RAB44: variants seen among roughly 807,000 people sequenced by gnomAD.
RAB44 encodes ras-related protein Rab-44.
RAB44 carries 67 observed loss-of-function variants against 93.3 expected under a neutral mutation model. The ratio of observed to expected loss-of-function variants is 0.72; its 90% CI spans 0.59 to 0.88. RAB44 has a LOEUF of 0.88. Among genes scored for constraint, RAB44 ranks in the 40% least tolerant of loss-of-function variants. The probability of loss-of-function intolerance (pLI) is 0.00; values close to 1 mark genes in which losing one functional copy is unlikely to be tolerated. For missense variants in RAB44, 1,064 were observed against 1,261.7 expected, an observed-to-expected ratio of 0.84 and a Z score of 2.37; for synonymous variants, 427 against 520.3, an observed-to-expected ratio of 0.82 and a Z score of 2.44.
chr6:36,722,185 G>A lies in RAB44; in HGVS notation c.2051G>A (p.Arg684Lys), dbSNP rs563322617. 90 of 1,237,312 alleles carry A rather than the reference G, an allele frequency of 7.3e-5. 1 individual carries two copies. In the African/African-American group the frequency reaches 1.2e-3, roughly 16 times the overall value. The allele number at this position is 1,237,312 out of a possible 1,614,324, so 76.6% of individuals were successfully genotyped here. Residue 684 changes from arginine (R) to lysine (K), a missense_variant, in exon 9 of 14, where the codon AGA becomes AAA. By Grantham distance (26) the Arg-to-Lys change is conservative (BLOSUM62 2). Coordinates refer to ENST00000612677, the MANE Select transcript of RAB44 (RefSeq NM_001257357.2). ...TCTGAGGAAGGAAAACAAGAGGGCAGAGGTGGGCAGGACCTCAGTTCAGAG... is the reference window on the plus strand; with the variant it reads ...TCTGAGGAAGGAAAACAAGAGGGCAAAGGTGGGCAGGACCTCAGTTCAGAG... ...PRSEEGKQEG[R>K]GGQDLSSEQS... is the part of the protein sequence containing the mutation.
At position 36,715,513 on chromosome 6, in the gene RAB44, G is replaced by T; in HGVS notation, c.354G>T (p.Arg118Ser). 6.5e-7 allele frequency: 1 copy of T among 1,536,110 alleles called. No individual in the cohort carries two copies. Among genetic ancestry groups the T allele is most frequent in the East Asian group, 2.4e-5 (1 of 40,924 alleles). ...NIFGSSQSPH[R>S]LRRRKPLPSK... ...TTGGCTCCAGCCAGAGCCCCCACAGGCTCCGCAGAAGGAAGCCACTGCCCT... is the reference window on the plus strand; with the variant it reads ...TTGGCTCCAGCCAGAGCCCCCACAGTCTCCGCAGAAGGAAGCCACTGCCCT... The change falls in exon 4 of 14, where the codon AGG becomes AGT. Residue 118 changes from arginine (R) to serine (S), a missense_variant. Arg to Ser is a moderately radical substitution (Grantham distance 110, BLOSUM62 -1). Coordinates refer to ENST00000612677, the MANE Select transcript of RAB44 (RefSeq NM_001257357.2).
chr6:36,699,442 G>C (rs1762461036), intron 1 of RAB44, among the ~76,000 whole-genome samples: 2 of 152,176 alleles, frequency 1.3e-5, no homozygotes, highest in Admixed American at 1.3e-4. Flanking sequence ...GGAGGCTTCT[G>C]CACAGGGAAT....
chr6:36,718,077 G>A lies in RAB44; in HGVS notation c.691G>A (p.Glu231Lys), dbSNP rs1028846628. ...REVQQLYEEM[E>K]QQIRQEKQQL... ...GGTCCAGCAGCTCTATGAGGAGATG[G>A]AGCAGCAGATCCGCCAGGAGAAGCA... The change falls in exon 6 of 14, where the codon GAG becomes AAG. Residue 231 changes from glutamate (E) to lysine (K), a missense_variant. Transcript: ENST00000612677. The A allele has an allele frequency of 3.2e-6, 4 of 1,232,194 alleles. No homozygotes were observed. The highest frequency in any genetic ancestry group is 4.0e-6 in the Non-Finnish European group (4 of 988,134). 76.3% of individuals were successfully genotyped at this position (1,232,194 alleles called of 1,614,324 possible).
At chr6:36,701,580 G>C (rs1221992228) in intron 1 of RAB44, among the ~76,000 whole-genome samples, 1 of 152,162 alleles carries the variant, frequency 6.6e-6, no homozygotes, top group Non-Finnish European at 1.5e-5. Flanking sequence ...TCACTGCTAA[G>C]CTATGTCACC....
At chr6:36,708,271 G>A (rs1391125270) in intron 2 of RAB44, among the ~76,000 whole-genome samples, 2 of 151,296 alleles carry the variant, frequency 1.3e-5, no homozygotes, top group Non-Finnish European at 2.9e-5. Context: ...AAATCTCCAG[G>A]GCCTTCACAT....
chr6:36,701,320 G>C (rs1029240971), intron 1 of RAB44, among the ~76,000 whole-genome samples: 15 of 152,140 alleles, frequency 9.9e-5, no homozygotes, highest in African/African-American at 3.4e-4. Flanking sequence ...TGTTGCCCAG[G>C]CTGGTCTCAA....
At chr6:36,709,564 C>T (rs1762730642) in intron 2 of RAB44, among the ~76,000 whole-genome samples, 1 of 151,406 alleles carries the variant, frequency 6.6e-6, no homozygotes, top group South Asian at 2.1e-4. Flanking sequence ...GTTGTTGTTG[C>T]CGTTGTTTTG....
intron 7 of RAB44, among the ~76,000 whole-genome samples, chr6:36,720,042 G>A (rs1582633432): frequency 1.3e-5 from 2 of 152,222 alleles, no homozygotes; most frequent in South Asian, 2.1e-4. Flanking sequence ...AGGCTCAGGG[G>A]CCAGCAGCCA....
In RAB44 at chr6:36,730,763, GC is replaced by G; in HGVS notation, c.2975+20del. The G allele has an allele frequency of 9.1e-7, 1 of 1,100,658 alleles. No homozygotes were observed. The allele number at this position is 1,100,658 out of a possible 1,614,324, so 68.2% of individuals were successfully genotyped here. Reference sequence around the variant, plus strand: ...AAACCTGGCCAGGTAAGTGCTGCCCGCCCCCCGCCGCCCCCACCCCCCCCCT... The same window carrying G: ...AAACCTGGCCAGGTAAGTGCTGCCCGCCCCCGCCGCCCCCACCCCCCCCCT... On this transcript the variant is annotated intron_variant, in intron 13 of 13. Coordinates refer to ENST00000612677, the MANE Select transcript of RAB44 (RefSeq NM_001257357.2).
At chr6:36,704,086 G>A (rs1237328082) in intron 1 of RAB44, 138 bp from the exon 2 acceptor site, 21 of 746,382 alleles carry the variant, frequency 2.8e-5, no homozygotes, top group Admixed American at 1.5e-4. Flanking sequence ...CAGAGGACCC[G>A]GCGGGACACC....
Position 36,718,018 on chromosome 6 carries a change from C to A in RAB44, c.642-10C>A. ...ATGGGCTGCCTGGCCCCAACTCCTGCTCCTCCCAGGCGTGACTCTGACCAC... is the reference window on the plus strand; with the variant it reads ...ATGGGCTGCCTGGCCCCAACTCCTGATCCTCCCAGGCGTGACTCTGACCAC... On this transcript the variant is annotated splice_polypyrimidine_tract_variant and intron_variant, in intron 5 of 13. Coordinates refer to ENST00000612677, the MANE Select transcript of RAB44 (RefSeq NM_001257357.2). 1 of 1,231,566 alleles carries A rather than the reference C, an allele frequency of 8.1e-7. No individual in the cohort carries two copies. Among genetic ancestry groups the A allele is most frequent in the Non-Finnish European group, 1.0e-6 (1 of 987,614 alleles). 76.3% of individuals were successfully genotyped at this position (1,231,566 alleles called of 1,614,324 possible). A position where few individuals can be genotyped will look rare whatever the true frequency, so the allele number is the denominator to read the frequency against.
rs1342990283 is a variant in RAB44, at chr6:36,726,926, G to C, written c.2682-651G>C. ...AGTGATTCTTGTGCCTCAGCCTCCT[G>C]AGGAGCTGGGACTACAGACACATAC... On this transcript the variant is annotated intron_variant, in intron 10 of 13. Coordinates refer to ENST00000612677, the MANE Select transcript of RAB44 (RefSeq NM_001257357.2). 1.5e-4 allele frequency among the ~76,000 whole-genome samples: 22 copies of C among 150,336 alleles called. 1 individual carries two copies. The highest frequency in any genetic ancestry group is 1.5e-3 in the Admixed American group (22 of 15,066).
At chr6:36,712,793 C>T (rs1762819410) in intron 2 of RAB44, among the ~76,000 whole-genome samples, 1 of 152,178 alleles carries the variant, frequency 6.6e-6, no homozygotes, top group South Asian at 2.1e-4. Flanking sequence ...GATGCATCCC[C>T]CAGAGATCAC....
chr6:36,709,641 C>T (rs1285038157), intron 2 of RAB44, among the ~76,000 whole-genome samples: 2 of 152,130 alleles, frequency 1.3e-5, no homozygotes, highest in East Asian at 1.9e-4. Flanking sequence ...CTGCAACCTC[C>T]GCCTTCTGGG....
chr6:36,704,152 A>G, intron 1 of RAB44, 72 bp from the exon 2 acceptor site: 1 of 1,298,922 alleles, frequency 7.7e-7, no homozygotes, highest in South Asian at 1.3e-5. Flanking sequence ...GATGGGAGCC[A>G]GGGGAGGGTT....
Position 36,718,163 on chromosome 6 carries a change from A to T in RAB44, c.732+45A>T, listed in dbSNP as rs930334302. ...CTGCCTCCTTCCCACTGCCCGGGAC[A>T]CCTCTGCTGGCTAAGGAATGGGGCC... On this transcript the variant is annotated intron_variant, in intron 6 of 13. Coordinates refer to ENST00000612677, the MANE Select transcript of RAB44 (RefSeq NM_001257357.2). 22 of 1,189,194 alleles carry T rather than the reference A, an allele frequency of 1.8e-5. No homozygotes were observed. The East Asian group carries it at 5.7e-4, about 31-fold the overall frequency. 73.7% of individuals were successfully genotyped at this position (1,189,194 alleles called of 1,614,324 possible). A position where few individuals can be genotyped will look rare whatever the true frequency, so the allele number is the denominator to read the frequency against.
Position 36,717,884 on chromosome 6 carries a change from T to G in RAB44, c.642-144T>G. On this transcript the variant is annotated intron_variant, in intron 5 of 13. Coordinates refer to ENST00000612677, the MANE Select transcript of RAB44 (RefSeq NM_001257357.2). The surrounding 1 kb of genome is among the most constrained non-coding windows in gnomAD (Gnocchi z 4.1). ...GGGGTTGTTACTGGGATGGCTGTTC[T>G]CAGGGTGACAGAGGTCAGTGACTGC... is the stretch of plus-strand genomic sequence containing the variant. The G allele has an allele frequency of 2.4e-6, 1 of 419,338 alleles. No individual in the cohort carries two copies. Among genetic ancestry groups the G allele is most frequent in the Non-Finnish European group, 4.0e-6 (1 of 247,470 alleles). The allele number at this position is 419,338 out of a possible 1,614,324, so 26.0% of individuals were successfully genotyped here. A position where few individuals can be genotyped will look rare whatever the true frequency, so the allele number is the denominator to read the frequency against.
rs1264093259 is a variant in RAB44 at position 36,725,849 on chromosome 6, C to G, written c.2600-13C>G. Reference sequence around the variant, plus strand: ...GTAACTTAGTAGGCTTCACCCCTCTCTATGTGTCCTAGGAGTAGATTTTCG... The same window carrying G: ...GTAACTTAGTAGGCTTCACCCCTCTGTATGTGTCCTAGGAGTAGATTTTCG... On this transcript the variant is annotated splice_polypyrimidine_tract_variant and intron_variant, in intron 9 of 13. Transcript: ENST00000612677. The G allele has an allele frequency of 6.5e-7, 1 of 1,546,364 alleles. No homozygotes were observed. The highest frequency in any genetic ancestry group is 2.0e-5 in the Admixed American group (1 of 50,978).
intron 9 of RAB44, among the ~76,000 whole-genome samples, chr6:36,725,601 T>C (rs1386996617): frequency 6.6e-6 from 1 of 152,204 alleles, no homozygotes; most frequent in Non-Finnish European, 1.5e-5. Context: ...ATGAAACTTA[T>C]ATTCTGGGTG....
Sources: allele counts gnomAD v4.1 joint callset (sites outside exome capture counted in the v4.1 genomes callset), GRCh38; gene constraint gnomAD v4.1.1; non-coding constraint Gnocchi (gnomAD v3.1); transcripts MANE v1.5; gene names NCBI Gene and HGNC (gene_info 2026-07-23, HGNC 2026-07-21).